ORC4: variants seen among roughly 807,000 people sequenced by gnomAD.
ORC4 encodes the protein origin recognition complex, subunit 4 homolog.
Under a neutral mutation model 63.9 loss-of-function variants are expected in ORC4, and 55 were observed. The ratio of observed to expected loss-of-function variants is 0.86; its 90% CI spans 0.69 to 1.08. The LOEUF (loss-of-function observed/expected upper bound fraction) is 1.08, where lower values mean the gene tolerates loss of function less well. Ranked by LOEUF, ORC4 falls within the 50% of genes least tolerant of loss-of-function variation. The probability of loss-of-function intolerance (pLI) is 0.00; values close to 1 mark genes in which losing one functional copy is unlikely to be tolerated. For synonymous variants in ORC4, 150 were observed against 168.5 expected (o/e 0.89, Z 0.85); for missense variants, 511 against 504.4 (o/e 1.01, Z -0.13).
chr2:147,997,654 G>A (rs1316695598), intron 1 of ORC4, among the ~76,000 whole-genome samples: 1 of 152,088 alleles, frequency 6.6e-6, no homozygotes, highest in Non-Finnish European at 1.5e-5. Context: ...GCCATTAAAT[G>A]TATAAAAACA....
At chr2:147,966,263 A>G (rs891700633) in intron 4 of ORC4, among the ~76,000 whole-genome samples, 2 of 152,062 alleles carry the variant, frequency 1.3e-5, no homozygotes, top group Admixed American at 6.5e-5. Flanking sequence ...ACATCAAAAA[A>G]CTAGAAAAAT....
intron 4 of ORC4, among the ~76,000 whole-genome samples, chr2:147,970,059 T>C (rs754529219): frequency 9.2e-5 from 14 of 152,080 alleles, no homozygotes; most frequent in Non-Finnish European, 1.5e-4. Flanking sequence ...TTTAGCTATC[T>C]ACTAGCAATG....
intron 1 of ORC4, among the ~76,000 whole-genome samples, chr2:147,980,914 T>C (rs1389728132): frequency 6.6e-6 from 1 of 152,164 alleles, no homozygotes; most frequent in Admixed American, 6.5e-5. Context: ...AGATATATCC[T>C]CACTCCCATA....
At chr2:148,003,696 G>A (rs574400008) in intron 1 of ORC4, among the ~76,000 whole-genome samples, 25 of 152,150 alleles carry the variant, frequency 1.6e-4, no homozygotes, top group Non-Finnish European at 2.5e-4. Flanking sequence ...TTTGAAAACC[G>A]GCACAAGAAA....
intron 4 of ORC4, among the ~76,000 whole-genome samples, chr2:147,965,188 A>T (rs1330207033): frequency 6.6e-6 from 1 of 152,130 alleles, no homozygotes; most frequent in Non-Finnish European, 1.5e-5. Flanking sequence ...CACTACAGAG[A>T]GGCACCCAAC....
intron 11 of ORC4, 86 bp from the exon 12 acceptor site, chr2:147,938,479 G>T (rs901518361): frequency 8.5e-6 from 7 of 826,942 alleles, no homozygotes; most frequent in Non-Finnish European, 1.3e-5. Context: ...TATAGTGAAA[G>T]ATCTATGGTT....
Position 147,998,753 on chromosome 2 carries a change from T to C in ORC4, c.-18+21880A>G, listed in dbSNP as rs557277974. Among the ~76,000 whole-genome samples the C allele has an allele frequency of 1.5e-4, 23 of 152,270 alleles. 1 individual carries two copies. The South Asian group carries it at 4.6e-3, about 30-fold the overall frequency. On this transcript the variant is annotated intron_variant, in intron 1 of 13. Transcript: ENST00000392857. ...AATTTCACACTATTCTCAATTCCCC[T>C]ATTAATCAAAAAAGTAGTATAGGAC...
At chr2:147,975,754 T>G (rs1690514798) in intron 2 of ORC4, 148 bp downstream of exon 2, 2 of 621,494 alleles carry the variant, frequency 3.2e-6, no homozygotes, top group Non-Finnish European at 5.8e-6. Flanking sequence ...TGGCATCTCG[T>G]TAAGGTCTCG....
intron 10 of ORC4, 22 bp from the exon 11 acceptor site, chr2:147,939,270 A>G: frequency 6.7e-7 from 1 of 1,491,446 alleles, no homozygotes. Flanking sequence ...CAGATCAGAA[A>G]AACAATTACG....
rs991347614 is a variant in ORC4, at chr2:147,969,332, T to C, written c.225+3407A>G. Among the ~76,000 whole-genome samples the C allele has an allele frequency of 1.2e-4, 18 of 152,084 alleles. 1 individual carries two copies. Among genetic ancestry groups the C allele is most frequent in the Admixed American group, 1.1e-3 (17 of 15,272 alleles). ...AATGATAAATGTTTGAGATGATTGATATGCTAATTATTCTGATTTGATCAC... is the reference window on the plus strand; with the variant it reads ...AATGATAAATGTTTGAGATGATTGACATGCTAATTATTCTGATTTGATCAC... On this transcript the variant is annotated intron_variant, in intron 4 of 13. Transcript: ENST00000392857.
intron 4 of ORC4, among the ~76,000 whole-genome samples, chr2:147,962,035 G>A (rs1228984558): frequency 6.6e-6 from 1 of 152,140 alleles, no homozygotes; most frequent in African/African-American, 2.4e-5. Context: ...GCGTGTTGAA[G>A]GGAGAGTACT....
At chr2:147,948,248 A>G (rs745317510) in intron 8 of ORC4, 24 bp from the exon 9 acceptor site, 2 of 1,522,828 alleles carry the variant, frequency 1.3e-6, no homozygotes, top group Non-Finnish European at 1.8e-6. Context: ...AGAAATCTCT[A>G]TAAGGAAGAT....
chr2:147,994,113 A>C (rs1374259220), intron 1 of ORC4, among the ~76,000 whole-genome samples: 1 of 152,258 alleles, frequency 6.6e-6, no homozygotes, highest in Non-Finnish European at 1.5e-5. Context: ...CATTAGCAAC[A>C]ACAACAAAAA....
chr2:147,954,471 A>G lies in ORC4; in HGVS notation c.436+876T>C, dbSNP rs568654044. ...CCTATGAGCATGTGATAGTGTAGAC[A>G]ACTGTAACACAATGCGAAGTATTTG... On this transcript the variant is annotated intron_variant, in intron 7 of 13. Coordinates refer to ENST00000392857, the MANE Select transcript of ORC4 (RefSeq NM_181741.4). Among the ~76,000 whole-genome samples the G allele has an allele frequency of 3.3e-5, 5 of 152,282 alleles. No homozygotes were observed. In the South Asian group the frequency reaches 1.0e-3, roughly 32 times the overall value.
chr2:148,010,104 C>T (rs958575502), intron 1 of ORC4, among the ~76,000 whole-genome samples: 1 of 151,962 alleles, frequency 6.6e-6, no homozygotes, highest in Non-Finnish European at 1.5e-5. Context: ...CCTGAACAAC[C>T]AATGAAGTAA....
upstream of ORC4, chr2:148,021,498 A>ACTGCTGCTGCTGCTACTG: frequency 3.5e-6 from 2 of 570,496 alleles, no homozygotes; most frequent in Non-Finnish European, 6.7e-6. Flanking sequence ...TGCTGCTGCT[A>ACTGCTGCTGCTGCTACTG]CTGCTGCTGC....
intron 1 of ORC4, among the ~76,000 whole-genome samples, chr2:147,978,512 G>A (rs1436861891): frequency 6.6e-6 from 1 of 152,162 alleles, no homozygotes; most frequent in Non-Finnish European, 1.5e-5. Flanking sequence ...CAGGGATTCA[G>A]ACAGTTTTGT....
At chr2:148,015,954 T>A (rs1312930999) in intron 1 of ORC4, among the ~76,000 whole-genome samples, 1 of 152,110 alleles carries the variant, frequency 6.6e-6, no homozygotes, top group Non-Finnish European at 1.5e-5. Context: ...AACAACCAAT[T>A]GAGAGCAATC....
rs576666372 is a variant in ORC4, at chr2:148,019,349, G to A, written c.-18+1284C>T. On this transcript the variant is annotated intron_variant, in intron 1 of 13. Coordinates refer to ENST00000392857, the MANE Select transcript of ORC4 (RefSeq NM_181741.4). ...TCACGCCTGTAATCCCAGCACTTTG[G>A]GAGGCCGAGGCGGGAGGATCATTTG... is the stretch of plus-strand genomic sequence containing the variant. Among the ~76,000 whole-genome samples, 3 of 152,312 alleles carry A rather than the reference G, an allele frequency of 2.0e-5. No homozygotes were observed. In the South Asian group the frequency reaches 6.2e-4, roughly 32 times the overall value.
Sources: allele counts gnomAD v4.1 joint callset (sites outside exome capture counted in the v4.1 genomes callset), GRCh38; gene constraint gnomAD v4.1.1; transcripts MANE v1.5; gene names NCBI Gene and HGNC (gene_info 2026-07-23, HGNC 2026-07-21).